Variants in SMOC1 observed in about 807,000 individuals in gnomAD.
The protein encoded by SMOC1 is SPARC related modular calcium binding 1.
In SMOC1, 22 loss-of-function variants were observed where a neutral mutation model predicts 56.3. The ratio of observed to expected loss-of-function variants is 0.39; its 90% confidence interval spans 0.28 to 0.56. The LOEUF (loss-of-function observed/expected upper bound fraction) is 0.56, where lower values mean the gene tolerates loss of function less well. Ranked by LOEUF, SMOC1 falls within the 20% of genes least tolerant of loss-of-function variation. The pLI is 0.61. For synonymous variants in SMOC1, 193 were observed against 215.0 expected, an observed-to-expected ratio of 0.90 and a Z score of 0.89; for missense variants, 509 against 565.4, an observed-to-expected ratio of 0.90 and a Z score of 1.01.
chr14:69,881,981 G>A (rs555653846), intron 1 of SMOC1, among the ~76,000 whole-genome samples: 1 of 152,340 alleles, frequency 6.6e-6, no homozygotes, highest in African/African-American at 2.4e-5. Context: ...CAGCTATAGT[G>A]AGTGTTCATC....
chr14:69,913,468 G>GTT (rs1003831838), intron 1 of SMOC1, among the ~76,000 whole-genome samples: 38 of 152,156 alleles, frequency 2.5e-4, no homozygotes, highest in African/African-American at 8.4e-4. Flanking sequence ...GTGTGTGTGT[G>GTT]TGTGCGTGTG....
chr14:70,003,511 G>T (rs1885044838), intron 7 of SMOC1, among the ~76,000 whole-genome samples: 1 of 152,188 alleles, frequency 6.6e-6, no homozygotes, highest in Non-Finnish European at 1.5e-5. Flanking sequence ...TGTCAGACTA[G>T]AATTCTGTGA....
At chr14:69,910,658 T>C (rs1884534048) in intron 1 of SMOC1, among the ~76,000 whole-genome samples, 1 of 152,154 alleles carries the variant, frequency 6.6e-6, no homozygotes, top group South Asian at 2.1e-4. Flanking sequence ...ATACTCAATT[T>C]TTAATAAACT....
chr14:69,941,872 C>T (rs2139417236), intron 1 of SMOC1, among the ~76,000 whole-genome samples: 1 of 152,292 alleles, frequency 6.6e-6, no homozygotes, highest in Middle Eastern at 3.4e-3. Context: ...TGGCTCCTTC[C>T]CTGAGAAATT....
intron 1 of SMOC1, among the ~76,000 whole-genome samples, chr14:69,892,128 T>G (rs1478423346): frequency 6.6e-6 from 1 of 152,266 alleles, no homozygotes; most frequent in African/African-American, 2.4e-5. Context: ...TTTATGTGGC[T>G]AATCTATTGT....
At chr14:69,983,100 A>C in intron 5 of SMOC1, among the ~76,000 whole-genome samples, 1 of 151,988 alleles carries the variant, frequency 6.6e-6, no homozygotes, top group East Asian at 1.9e-4. Context: ...GGCTCCAGCT[A>C]CTCAACCGCC....
intron 10 of SMOC1, among the ~76,000 whole-genome samples, chr14:70,022,878 G>A (rs1364507065): frequency 6.6e-6 from 1 of 152,178 alleles, no homozygotes; most frequent in Non-Finnish European, 1.5e-5. Context: ...TTCCAGCTCT[G>A]GTTTATTCAG....
intron 3 of SMOC1, among the ~76,000 whole-genome samples, chr14:69,970,037 G>A (rs751664867): frequency 3.3e-5 from 5 of 152,090 alleles, no homozygotes; most frequent in South Asian, 2.1e-4. Flanking sequence ...ACAAAGAAGC[G>A]AGTCTGGGAG....
intron 1 of SMOC1, among the ~76,000 whole-genome samples, chr14:69,894,444 C>T (rs1477353978): frequency 6.6e-6 from 1 of 152,154 alleles, no homozygotes; most frequent in African/African-American, 2.4e-5. Flanking sequence ...TCGACTTGGG[C>T]CCAGGTTTCT....
chr14:70,017,176 G>T (rs1296591174), intron 10 of SMOC1, among the ~76,000 whole-genome samples: 1 of 152,200 alleles, frequency 6.6e-6, no homozygotes, highest in Non-Finnish European at 1.5e-5. Context: ...GCACACATCA[G>T]AGGGTCAACC....
At chr14:69,953,754 C>T (rs1443070415) in intron 3 of SMOC1, among the ~76,000 whole-genome samples, 2 of 152,240 alleles carry the variant, frequency 1.3e-5, no homozygotes, top group Non-Finnish European at 2.9e-5. Flanking sequence ...CGCATGGAAG[C>T]CCAAGCCAGG....
intron 10 of SMOC1, among the ~76,000 whole-genome samples, chr14:70,020,288 T>A (rs567813347): frequency 6.6e-5 from 10 of 152,262 alleles, no homozygotes; most frequent in African/African-American, 2.4e-4. Flanking sequence ...CTCAGAGGGT[T>A]CACAATCCCT....
At chr14:70,008,606 G>A (rs892433428) in intron 7 of SMOC1, among the ~76,000 whole-genome samples, 1 of 152,208 alleles carries the variant, frequency 6.6e-6, no homozygotes, top group Non-Finnish European at 1.5e-5. Context: ...ACCCCCAGTG[G>A]TGTGAAGTCA....
chr14:69,891,440 T>C (rs1883958697), intron 1 of SMOC1, among the ~76,000 whole-genome samples: 1 of 152,202 alleles, frequency 6.6e-6, no homozygotes, highest in African/African-American at 2.4e-5. Flanking sequence ...AGAACAAATA[T>C]TAAAAGTGAT....
chr14:70,008,295 CT>C (rs2139581448), intron 7 of SMOC1, among the ~76,000 whole-genome samples: 1 of 152,098 alleles, frequency 6.6e-6, no homozygotes, highest in Admixed American at 6.5e-5. Context: ...ACACTGGCTA[CT>C]TTTTGTATTT....
chr14:69,959,183 A>G (rs1883287657), intron 3 of SMOC1, among the ~76,000 whole-genome samples: 1 of 152,174 alleles, frequency 6.6e-6, no homozygotes, highest in African/African-American at 2.4e-5. Context: ...TTATGGGCTT[A>G]TTTCCCAGTA....
chr14:69,979,661 C>T (rs1175160637), intron 5 of SMOC1, among the ~76,000 whole-genome samples: 1 of 152,048 alleles, frequency 6.6e-6, no homozygotes, highest in Non-Finnish European at 1.5e-5. Flanking sequence ...GACAAGATCT[C>T]ACTATGTTGC....
chr14:70,026,676 C>A (rs147382941), intron 11 of SMOC1, among the ~76,000 whole-genome samples: 1 of 152,170 alleles, frequency 6.6e-6, no homozygotes. Context: ...GAACCTCTCA[C>A]CTCAAAGGTA....
At chr14:69,914,000 G>A (rs1884622166) in intron 1 of SMOC1, among the ~76,000 whole-genome samples, 1 of 152,208 alleles carries the variant, frequency 6.6e-6, no homozygotes, top group Non-Finnish European at 1.5e-5. Context: ...GATCATGTGG[G>A]TATAATGAGC....
Sources: gnomAD v4.1 joint callset for allele counts (sites outside exome capture counted in the v4.1 genomes callset) on GRCh38, gnomAD v4.1.1 for gene constraint, MANE v1.5 for transcripts, NCBI Gene and HGNC (gene_info 2026-07-23, HGNC 2026-07-21) for gene names.